Variants in BANK1 observed in about 807,000 individuals in gnomAD.
BANK1 encodes the protein B-cell scaffold protein with ankyrin repeats.
In BANK1, 95 loss-of-function variants were observed where a neutral mutation model predicts 94.5. That is an observed-to-expected ratio of 1.00 (90% CI 0.85 to 1.19). The LOEUF is 1.19. Among genes scored for constraint, BANK1 ranks in the 50% most tolerant of loss-of-function variants. The probability of loss-of-function intolerance (pLI) is 0.00; values close to 1 mark genes in which losing one functional copy is unlikely to be tolerated. For missense variants in BANK1, 987 were observed against 932.2 expected (o/e 1.06, Z -0.77); for synonymous variants, 334 against 308.4 (o/e 1.08, Z -0.87).
At chr4:102,013,640 G>C (rs898187670) in intron 7 of BANK1, among the ~76,000 whole-genome samples, 1 of 151,772 alleles carries the variant, frequency 6.6e-6, no homozygotes, top group Non-Finnish European at 1.5e-5. Flanking sequence ...GTGATTTCTC[G>C]CACCTGAAAA....
chr4:101,900,990 G>T (rs1722264775), intron 6 of BANK1, among the ~76,000 whole-genome samples: 1 of 152,036 alleles, frequency 6.6e-6, no homozygotes, highest in South Asian at 2.1e-4. Context: ...TCTTTTAAAA[G>T]CCAACTGAAG....
intron 6 of BANK1, among the ~76,000 whole-genome samples, chr4:101,904,122 C>A (rs1722368927): frequency 1.3e-5 from 2 of 152,190 alleles, no homozygotes; most frequent in South Asian, 4.1e-4. Flanking sequence ...TTGTTTACTG[C>A]AGGAATTGTA....
In BANK1 at chr4:101,817,830, A is replaced by AT. The variant is rs35187351; in HGVS notation, c.71-11966dup. Among the ~76,000 whole-genome samples the AT allele has an allele frequency of 2.8e-3, 411 of 146,188 alleles. 2 individuals carry two copies. The highest frequency in any genetic ancestry group is 0.013 in the South Asian group (60 of 4,608). ...GTAAACTTTCTTAAAACATTATGAG[A>AT]TTTTTTTTTTTTGCAATTTTTTTTT... On this transcript the variant is annotated intron_variant, in intron 1 of 16. Transcript: ENST00000322953.
chr4:101,972,005 T>C (rs1006301484), intron 7 of BANK1, among the ~76,000 whole-genome samples: 2 of 152,124 alleles, frequency 1.3e-5, no homozygotes, highest in African/African-American at 4.8e-5. Context: ...GGATCGTTTT[T>C]TCTACTCCTA....
At chr4:102,035,766 A>G (rs1727490998) in intron 10 of BANK1, among the ~76,000 whole-genome samples, 1 of 152,134 alleles carries the variant, frequency 6.6e-6, no homozygotes, top group South Asian at 2.1e-4. Context: ...TCACAAGAAT[A>G]ACTCATTTTT....
intron 7 of BANK1, among the ~76,000 whole-genome samples, chr4:101,935,075 A>C (rs898118183): frequency 1.1e-4 from 17 of 151,426 alleles, no homozygotes; most frequent in African/African-American, 4.1e-4. Flanking sequence ...AGAATACCTC[A>C]TGGTACCCTT....
chr4:101,917,715 T>C (rs1318962058), intron 6 of BANK1, among the ~76,000 whole-genome samples: 1 of 151,878 alleles, frequency 6.6e-6, no homozygotes, highest in Non-Finnish European at 1.5e-5. Context: ...CTTTCTTTTT[T>C]TTTCATTTAA....
intron 3 of BANK1, among the ~76,000 whole-genome samples, chr4:101,856,295 A>G (rs934889886): frequency 6.6e-6 from 1 of 152,146 alleles, no homozygotes; most frequent in African/African-American, 2.4e-5. Flanking sequence ...CTTTGACACT[A>G]CCTTAGAGAC....
intron 10 of BANK1, chr4:102,036,632 T>C (rs555896754): frequency 2.0e-5 from 3 of 152,374 alleles, no homozygotes; most frequent in South Asian, 4.1e-4. Context: ...CCTCATTCTT[T>C]TCCATGAGAG....
At chr4:102,014,517 G>A (rs2148943720) in intron 7 of BANK1, among the ~76,000 whole-genome samples, 1 of 152,198 alleles carries the variant, frequency 6.6e-6, no homozygotes, top group African/African-American at 2.4e-5. Flanking sequence ...ATTCCAAGTA[G>A]AATTATTACA....
At chr4:101,949,165 A>G (rs988074785) in intron 7 of BANK1, among the ~76,000 whole-genome samples, 2 of 152,082 alleles carry the variant, frequency 1.3e-5, no homozygotes, top group South Asian at 2.1e-4. Flanking sequence ...GCTCTGCTCT[A>G]TGCAATCTCT....
intron 7 of BANK1, among the ~76,000 whole-genome samples, chr4:101,935,909 C>G (rs892287113): frequency 2.6e-5 from 4 of 151,330 alleles, no homozygotes; most frequent in African/African-American, 9.7e-5. Flanking sequence ...ATACAAAAAT[C>G]AACTGAAAAT....
intron 7 of BANK1, among the ~76,000 whole-genome samples, chr4:101,975,114 A>G (rs533605423): frequency 6.6e-6 from 1 of 152,290 alleles, no homozygotes; most frequent in South Asian, 2.1e-4. Context: ...CAGAGATGTC[A>G]GTGGAAAAAT....
intron 6 of BANK1, among the ~76,000 whole-genome samples, chr4:101,910,095 C>G (rs1449016174): frequency 6.6e-6 from 1 of 152,084 alleles, no homozygotes; most frequent in Non-Finnish European, 1.5e-5. Flanking sequence ...TATTTAATGC[C>G]ATGGTTCTCA....
At chr4:101,968,962 T>C (rs1195126920) in intron 7 of BANK1, among the ~76,000 whole-genome samples, 1 of 152,092 alleles carries the variant, frequency 6.6e-6, no homozygotes, top group Admixed American at 6.6e-5. Flanking sequence ...ACCATGTCCC[T>C]TTCCCAGACC....
intron 2 of BANK1, among the ~76,000 whole-genome samples, chr4:101,836,817 G>A (rs189930686): frequency 5.3e-5 from 8 of 152,244 alleles, no homozygotes; most frequent in Admixed American, 4.6e-4. Flanking sequence ...TAAAAGAAAG[G>A]GTGAATTATT....
At chr4:101,952,316 T>C (rs536366740) in intron 7 of BANK1, among the ~76,000 whole-genome samples, 2 of 152,264 alleles carry the variant, frequency 1.3e-5, no homozygotes, top group East Asian at 1.9e-4. Context: ...TTTGACAACA[T>C]TGAGAACTTA....
At chr4:101,904,057 G>A (rs1722367169) in intron 6 of BANK1, among the ~76,000 whole-genome samples, 1 of 152,226 alleles carries the variant, frequency 6.6e-6, no homozygotes, top group Non-Finnish European at 1.5e-5. Flanking sequence ...TTATGGGACT[G>A]TTTAACATGC....
intron 1 of BANK1, among the ~76,000 whole-genome samples, chr4:101,792,463 GT>G (rs1560576042): frequency 1.1e-5 from 1 of 94,922 alleles, no homozygotes; most frequent in Non-Finnish European, 2.5e-5. Context: ...GTGTGTGTGT[GT>G]GTGTGTTTTT....
Sources: allele counts gnomAD v4.1 joint callset (sites outside exome capture counted in the v4.1 genomes callset), GRCh38; gene constraint gnomAD v4.1.1; transcripts MANE v1.5; gene names NCBI Gene and HGNC (gene_info 2026-07-23, HGNC 2026-07-21).